The following CSMD2 variants were observed in gnomAD, a reference collection of about 807,000 sequenced individuals.
CSMD2 encodes the protein CUB and sushi domain-containing protein 2.
Under a neutral mutation model 398.5 loss-of-function variants are expected in CSMD2, and 130 were observed. The observed-to-expected ratio is 0.33, with a 90% CI of 0.28 to 0.38. The LOEUF is 0.38. Ranked by LOEUF, CSMD2 falls within the 10% of genes least tolerant of loss-of-function variation. The pLI, the probability that CSMD2 is intolerant of heterozygous loss-of-function variation, is 1.00. For missense variants in CSMD2, 3,829 were observed against 4,764.9 expected, an observed-to-expected ratio of 0.80 and a Z score of 5.78; for synonymous variants, 1,828 against 1,908.5, an observed-to-expected ratio of 0.96 and a Z score of 1.10.
In CSMD2 at chr1:33,922,464, A is replaced by T. The variant is rs1643977595; in HGVS notation, c.713-4163T>A. 2.0e-5 allele frequency among the ~76,000 whole-genome samples: 3 copies of T among 152,264 alleles called. No homozygotes were observed. In the South Asian group the frequency reaches 6.2e-4, roughly 32 times the overall value. ...TAGTCTCATTTAATCTGGCCTGCAC[A>T]TCCAGGTGGACAACAAAGAATTCCA... On this transcript the variant is annotated intron_variant, in intron 4 of 70. Transcript: ENST00000373381.
At chr1:33,648,345 G>A (rs1643570833) in intron 28 of CSMD2, among the ~76,000 whole-genome samples, 1 of 145,554 alleles carries the variant, frequency 6.9e-6, no homozygotes. Context: ...CTGGGTGACA[G>A]AGCGAGACTC....
intron 3 of CSMD2, among the ~76,000 whole-genome samples, chr1:33,946,744 G>A (rs949595141): frequency 6.6e-5 from 10 of 150,734 alleles, no homozygotes; most frequent in Non-Finnish European, 1.0e-4. Context: ...TCAGCCTCCT[G>A]AGTAACTGGG....
At chr1:33,961,791 C>T (rs964291494) in intron 3 of CSMD2, among the ~76,000 whole-genome samples, 2 of 152,162 alleles carry the variant, frequency 1.3e-5, no homozygotes, top group Admixed American at 6.5e-5. Context: ...GGCTTCCCTT[C>T]ACCTTCCCCC....
chr1:33,750,291 A>C lies in CSMD2; in HGVS notation c.1847-6685T>G, dbSNP rs193282725. Among the ~76,000 whole-genome samples, 193 of 152,282 alleles carry C rather than the reference A, an allele frequency of 1.3e-3. 2 individuals are homozygous for C. The highest frequency in any genetic ancestry group is 2.5e-3 in the Non-Finnish European group (168 of 68,018). ...GGTGAAAACAGCCGAGCTCTCCTTG[A>C]GACAGATAAGGAATAATAGCATATA... On this transcript the variant is annotated intron_variant, in intron 13 of 70. Transcript: ENST00000373381.
At chr1:33,593,565 T>A (rs114275773) in intron 44 of CSMD2, among the ~76,000 whole-genome samples, 37 of 152,290 alleles carry the variant, frequency 2.4e-4, no homozygotes, top group African/African-American at 8.7e-4. Flanking sequence ...ACTTACTGAC[T>A]ATCATGAGAC....
intron 12 of CSMD2, among the ~76,000 whole-genome samples, chr1:33,776,242 A>G (rs1259505945): frequency 6.6e-6 from 1 of 152,158 alleles, no homozygotes; most frequent in Non-Finnish European, 1.5e-5. Context: ...GGCCCCCTAC[A>G]GGGGCTCCAG....
In CSMD2 at chr1:33,567,868, G is replaced by A. The variant is rs764079085; in HGVS notation, c.8132-27C>T. Reference sequence around the variant, plus strand: ...TAGAGACAGGGATGGTGGGGAAAAGGACCAACTATCCCACAACTCATTACT... The same window carrying A: ...TAGAGACAGGGATGGTGGGGAAAAGAACCAACTATCCCACAACTCATTACT... On this transcript the variant is annotated intron_variant, in intron 52 of 70. Coordinates refer to ENST00000373381, the MANE Select transcript of CSMD2 (RefSeq NM_001281956.2). 1.7e-5 allele frequency: 26 copies of A among 1,550,310 alleles called. 1 individual carries two copies. In the South Asian group the frequency reaches 3.1e-4, roughly 18 times the overall value.
chr1:33,528,733 T>C (rs750614760), intron 64 of CSMD2, among the ~76,000 whole-genome samples: 2 of 152,228 alleles, frequency 1.3e-5, no homozygotes, highest in African/African-American at 2.4e-5. Flanking sequence ...CATACAGTAA[T>C]GGGTTGAATT....
intron 26 of CSMD2, among the ~76,000 whole-genome samples, chr1:33,660,364 T>A (rs1409477416): frequency 6.6e-6 from 1 of 152,124 alleles, no homozygotes; most frequent in Non-Finnish European, 1.5e-5. Flanking sequence ...TTAATGCTCC[T>A]GAATTGGAGC....
chr1:33,635,152 T>C lies in CSMD2; in HGVS notation c.5086+62A>G. 9.7e-7 allele frequency: 1 copy of C among 1,031,062 alleles called. No individual in the cohort carries two copies. The highest frequency in any genetic ancestry group is 1.5e-6 in the Non-Finnish European group (1 of 666,656). 63.9% of individuals were successfully genotyped at this position (1,031,062 alleles called of 1,614,324 possible). A position where few individuals can be genotyped will look rare whatever the true frequency, so the allele number is the denominator to read the frequency against. ...AATTGGGAGGCGTCTGAGGAATTGC[T>C]CATTTTGGAATGAGGGTGAGGAGTC... On this transcript the variant is annotated intron_variant, in intron 31 of 70. Coordinates refer to ENST00000373381, the MANE Select transcript of CSMD2 (RefSeq NM_001281956.2). The surrounding 1 kb of genome is among the most constrained non-coding windows in gnomAD (Gnocchi z 5.0).
intron 3 of CSMD2, among the ~76,000 whole-genome samples, chr1:33,962,797 A>C (rs1645411455): frequency 6.6e-6 from 1 of 152,196 alleles, no homozygotes; most frequent in African/African-American, 2.4e-5. Flanking sequence ...GATCCTCTTT[A>C]AAATTGCATC....
At chr1:33,951,411 G>A (rs1241672970) in intron 3 of CSMD2, among the ~76,000 whole-genome samples, 8 of 152,184 alleles carry the variant, frequency 5.3e-5, no homozygotes, top group Non-Finnish European at 1.5e-5. Context: ...AGGTGCTCTT[G>A]TATTTAAAAA....
chr1:33,910,791 A>G (rs964445664), intron 5 of CSMD2, among the ~76,000 whole-genome samples: 1 of 152,204 alleles, frequency 6.6e-6, no homozygotes, highest in Non-Finnish European at 1.5e-5. Flanking sequence ...CAAGAGAGCA[A>G]AGCCTTGGGA....
rs781477950 is a variant in CSMD2, at chr1:33,571,743, A to G, written c.7763-17T>C. On this transcript the variant is annotated splice_polypyrimidine_tract_variant and intron_variant, in intron 50 of 70. Coordinates refer to ENST00000373381, the MANE Select transcript of CSMD2 (RefSeq NM_001281956.2). ...AAGTCACAGCTGGGGAAATGAGGAA[A>G]AGAAAGGAGGATTAATTACTTGATT... 6.9e-7 allele frequency: 1 copy of G among 1,443,600 alleles called. No individual in the cohort carries two copies. The highest frequency in any genetic ancestry group is 2.4e-5 in the East Asian group (1 of 40,918). 89.4% of individuals were successfully genotyped at this position (1,443,600 alleles called of 1,614,324 possible).
chr1:34,131,841 C>G (rs1238731231), intron 1 of CSMD2, among the ~76,000 whole-genome samples: 3 of 152,176 alleles, frequency 2.0e-5, no homozygotes, highest in South Asian at 4.1e-4. Flanking sequence ...CACCTCTCAG[C>G]CCACACACCC....
chr1:33,713,618 A>G (rs1646063050), intron 21 of CSMD2, among the ~76,000 whole-genome samples: 1 of 152,116 alleles, frequency 6.6e-6, no homozygotes, highest in Non-Finnish European at 1.5e-5. Context: ...ACTTCTTTAA[A>G]GCTCTTGCAA....
chr1:33,765,615 C>A (rs995863663), intron 13 of CSMD2, among the ~76,000 whole-genome samples: 1 of 152,052 alleles, frequency 6.6e-6, no homozygotes, highest in African/African-American at 2.4e-5. Context: ...AAAAATAGAA[C>A]GAACTGTTTC....
At chr1:33,601,661 G>A (rs1399728634) in intron 43 of CSMD2, among the ~76,000 whole-genome samples, 1 of 152,160 alleles carries the variant, frequency 6.6e-6, no homozygotes, top group African/African-American at 2.4e-5. Context: ...AAGATCCAGT[G>A]GTTTGGGAAG....
intron 2 of CSMD2, among the ~76,000 whole-genome samples, chr1:34,087,982 G>GCC (rs906317817): frequency 4.3e-4 from 66 of 152,008 alleles, no homozygotes; most frequent in Admixed American, 2.8e-3. Context: ...GGCCCCAGAT[G>GCC]CCCCCCCGCC....
Sources: gnomAD v4.1 joint callset for allele counts (sites outside exome capture counted in the v4.1 genomes callset) on GRCh38, gnomAD v4.1.1 for gene constraint, Gnocchi (gnomAD v3.1) non-coding constraint, MANE v1.5 for transcripts, NCBI Gene and HGNC (gene_info 2026-07-23, HGNC 2026-07-21) for gene names.